RPL14: variants seen among roughly 807,000 people sequenced by gnomAD.
RPL14 encodes ribosomal protein L14.
RPL14 carries 4 observed loss-of-function variants against 25.3 expected under a neutral mutation model. The ratio of observed to expected loss-of-function variants is 0.16; its 90% CI spans 0.08 to 0.36. RPL14 has a LOEUF of 0.36. Ranked by LOEUF, RPL14 falls within the 10% of genes least tolerant of loss-of-function variation. The probability of loss-of-function intolerance (pLI) is 1.00; values close to 1 mark genes in which losing one functional copy is unlikely to be tolerated. For synonymous variants in RPL14, 75 were observed against 89.8 expected (o/e 0.84, Z 0.93); for missense variants, 212 against 261.9 (o/e 0.81, Z 1.31).
intron 3 of RPL14, among the ~76,000 whole-genome samples, chr3:40,459,491 G>A (rs1183409153): frequency 6.6e-6 from 1 of 152,180 alleles, no homozygotes; most frequent in Non-Finnish European, 1.5e-5. Context: ...TTGCTATACA[G>A]TTAATTCAAC....
intron 4 of RPL14, 41 bp from the exon 5 acceptor site, chr3:40,461,567 G>C (rs1260414400): frequency 1.9e-6 from 3 of 1,600,744 alleles, no homozygotes; most frequent in Non-Finnish European, 8.5e-7. Context: ...TCAAGATAGT[G>C]TGAGAGGGAT....
Position 40,457,475 on chromosome 3 carries a change from G to T in RPL14, c.3+1G>T. 1 of 1,560,382 alleles carries T rather than the reference G, an allele frequency of 6.4e-7. No homozygotes were observed. Among genetic ancestry groups the T allele is most frequent in the Non-Finnish European group, 8.7e-7 (1 of 1,151,554 alleles). On this transcript the variant is annotated splice_donor_variant, in intron 1 of 5. Coordinates refer to ENST00000396203, the MANE Select transcript of RPL14 (RefSeq NM_001034996.3). LOFTEE classifies it high-confidence loss of function. The stretch of plus-strand genomic sequence containing the variant: ...CCCAGAGGGTCCCGGGAAGCGCATG[G>T]TGAGGGTCCCCGGGCCGGCTGTGCA...
In RPL14 at chr3:40,464,210, T is replaced by G; in HGVS notation, c.*1978T>G. The G allele has an allele frequency of 3.0e-6, 1 of 338,410 alleles. No homozygotes were observed. Among genetic ancestry groups the G allele is most frequent in the South Asian group, 2.4e-5 (1 of 42,352 alleles). 21.0% of individuals were successfully genotyped at this position (338,410 alleles called of 1,614,324 possible). On this transcript the variant is annotated 3_prime_UTR_variant, in exon 6 of 6. Transcript: ENST00000396203. ...CCTGACCTCAGGTGATCTGTCCGCC[T>G]TGGCCTCCCAAAGTGCTGGGATTAC... is the stretch of plus-strand genomic sequence containing the variant.
chr3:40,458,819 G>A, intron 3 of RPL14, 83 bp downstream of exon 3: 1 of 1,014,624 alleles, frequency 9.9e-7, no homozygotes, highest in African/African-American at 1.6e-5. Flanking sequence ...AAACAATACG[G>A]AAGATTCAGA....
intron 2 of RPL14, 197 bp downstream of exon 2, chr3:40,458,188 C>A: frequency 1.7e-6 from 1 of 595,656 alleles, no homozygotes; most frequent in Non-Finnish European, 3.0e-6. Flanking sequence ...CAGTATTAGC[C>A]ACTTAAGCTA....
rs1464853026 is a variant in RPL14 at position 40,462,185 on chromosome 3, C to T, written c.601C>T (p.Pro201Ser). The T allele has an allele frequency of 1.2e-6, 2 of 1,610,702 alleles. No individual in the cohort carries two copies. The highest frequency in any genetic ancestry group is 1.7e-6 in the Non-Finnish European group (2 of 1,179,000). ...APKAQKGQKA[P>S]AQKAPAPKAS... Reference sequence around the variant, plus strand: ...AAAAGCTCAGAAGGGTCAAAAAGCTCCAGCCCAGAAAGCACCTGCTCCAAA... The same window carrying T: ...AAAAGCTCAGAAGGGTCAAAAAGCTTCAGCCCAGAAAGCACCTGCTCCAAA... The change falls in exon 6 of 6, where the codon CCA (proline) becomes TCA (serine). Residue 201 changes from proline (P) to serine (S), a missense_variant. By Grantham distance (74) the Pro-to-Ser change is moderately conservative (BLOSUM62 -1). Transcript: ENST00000396203.
At chr3:40,461,314 A>T (rs190521630) in intron 3 of RPL14, 93 bp from the exon 4 acceptor site, 32 of 1,002,716 alleles carry the variant, frequency 3.2e-5, no homozygotes, top group Middle Eastern at 2.9e-4. Flanking sequence ...GTTGTGTAAC[A>T]GGAAGAGTGC....
Position 40,462,141 on chromosome 3 carries a change from A to G in RPL14, c.557A>G (p.Gln186Arg), listed in dbSNP as rs981006011. ...GTTCCTGCCCAGAAAGCCACAGGCCAGAAAGCAGCGCCTGCTCCAAAAGCT... is the reference window on the plus strand; with the variant it reads ...GTTCCTGCCCAGAAAGCCACAGGCCGGAAAGCAGCGCCTGCTCCAAAAGCT... ...QKVPAQKATGQKAAPAPKAQK... is the reference protein window; with the variant it reads ...QKVPAQKATGRKAAPAPKAQK... The change falls in exon 6 of 6, where the codon CAG becomes CGG. Residue 186 changes from glutamine to arginine, a missense_variant. By Grantham distance (43) the Gln-to-Arg change is conservative. This residue lies in a region of RPL14 where 66 missense variants were observed against 62.6 expected (regional missense o/e 1.05). Coordinates refer to ENST00000396203, the MANE Select transcript of RPL14 (RefSeq NM_001034996.3). 7 of 1,612,556 alleles carry G rather than the reference A, an allele frequency of 4.3e-6. No homozygotes were observed. The East Asian group carries it at 8.9e-5, about 21-fold the overall frequency.
Position 40,462,421 on chromosome 3 carries a change from G to A in RPL14, c.*189G>A. On this transcript the variant is annotated 3_prime_UTR_variant, in exon 6 of 6. Transcript: ENST00000396203. ...AGATGGAGTCTCGTTCTGTTGCTCA[G>A]GCCGGACTGCAGTGGCGCTATCTCG... 2 of 576,674 alleles carry A rather than the reference G, an allele frequency of 3.5e-6. No homozygotes were observed. Among genetic ancestry groups the A allele is most frequent in the Non-Finnish European group, 5.4e-6 (2 of 368,344 alleles). The allele number at this position is 576,674 out of a possible 1,614,324, so 35.7% of individuals were successfully genotyped here. A position where few individuals can be genotyped will look rare whatever the true frequency, so the allele number is the denominator to read the frequency against.
rs113156667 is a variant in RPL14 at position 40,457,678 on chromosome 3, A to C, written c.3+204A>C. 0.015 allele frequency: 9,722 copies of C among 653,812 alleles called. 645 individuals are homozygous for C. The African/African-American group carries it at 0.15, about 10-fold the overall frequency. The allele number at this position is 653,812 out of a possible 1,614,324, so 40.5% of individuals were successfully genotyped here. A position where few individuals can be genotyped will look rare whatever the true frequency, so the allele number is the denominator to read the frequency against. On this transcript the variant is annotated intron_variant, in intron 1 of 5. Transcript: ENST00000396203. ...TTGTCCTGCCGTGTGGGCCTTGCGG[A>C]CCTGGGAGCTGGCGGGCGTTGGGAA...
In RPL14 at chr3:40,462,027, G is replaced by A; in HGVS notation, c.443G>A (p.Gly148Asp). 4.9e-6 allele frequency: 2 copies of A among 404,270 alleles called. No individual in the cohort carries two copies. The highest frequency in any genetic ancestry group is 8.1e-6 in the Non-Finnish European group (2 of 247,272). The allele number at this position is 404,270 out of a possible 1,614,324, so 25.0% of individuals were successfully genotyped here. A position where few individuals can be genotyped will look rare whatever the true frequency, so the allele number is the denominator to read the frequency against. Residue 148 changes from glycine (G) to aspartate (D), a missense_variant, in exon 6 of 6, where the codon GGT (glycine) becomes GAT (aspartate). By Grantham distance (94) the Gly-to-Asp change is moderately conservative (BLOSUM62 -1). This residue lies in a region of RPL14 where 143 missense variants were observed against 180.3 expected (regional missense o/e 0.79). Transcript: ENST00000396203. Reference sequence around the variant, plus strand: ...CCCAAAAAAGCACCTGGTACTAAGGGTACTGCTGCTGCTGCTGCTGCTGCT... The same window carrying A: ...CCCAAAAAAGCACCTGGTACTAAGGATACTGCTGCTGCTGCTGCTGCTGCT... Reference protein sequence around the residue: ...ASPKKAPGTKGTAAAAAAAAA... With the variant: ...ASPKKAPGTKDTAAAAAAAAA...
intron 5 of RPL14, 23 bp downstream of exon 5, chr3:40,461,684 T>C: frequency 6.3e-7 from 1 of 1,581,222 alleles, no homozygotes; most frequent in Middle Eastern, 1.9e-4. Context: ...ATCTGTATTT[T>C]TGTGTAACTT....
At chr3:40,458,361 T>G in intron 2 of RPL14, 1 of 524,702 alleles carries the variant, frequency 1.9e-6, no homozygotes, top group East Asian at 3.3e-5. Flanking sequence ...TCAGCAGGGA[T>G]CAGAGTCCTA....
chr3:40,461,222 T>G (rs1180386735), intron 3 of RPL14, among the ~76,000 whole-genome samples, 185 bp from the exon 4 acceptor site: 1 of 151,346 alleles, frequency 6.6e-6, no homozygotes, highest in Non-Finnish European at 1.5e-5. Flanking sequence ...GGATTACAGT[T>G]TTGATTAAAA....
Position 40,461,946 on chromosome 3 carries a change from G to C in RPL14, c.362G>C (p.Arg121Thr), listed in dbSNP as rs763794487. The C allele has an allele frequency of 8.1e-6, 13 of 1,598,062 alleles. No homozygotes were observed. In the East Asian group the frequency reaches 2.9e-4, roughly 36 times the overall value. ...TACATTGATAATTTTCAGAGGAACA[G>C]AATAATCAAGAATGAAGTTAAGAAG... ...KVMKAKKMRN[R>T]IIKNEVKKLQ... The change falls in exon 6 of 6, where the codon AGA (arginine) becomes ACA (threonine). Residue 121 changes from arginine to threonine, a missense_variant. Physicochemically the swap from Arg to Thr is moderately conservative, Grantham distance 71. Around this residue, in one of 3 missense-constraint regions of RPL14, gnomAD observed 143 missense variants for 180.3 expected, o/e 0.79. Transcript: ENST00000396203.
At chr3:40,459,883 T>G (rs1161547586) in intron 3 of RPL14, among the ~76,000 whole-genome samples, 2 of 68,338 alleles carry the variant, frequency 2.9e-5, no homozygotes, top group African/African-American at 1.2e-4. Flanking sequence ...AAAAAAAACT[T>G]ACTGTATGCT....
chr3:40,461,901 A>G (rs1417958300), intron 5 of RPL14, 38 bp from the exon 6 acceptor site: 3 of 1,566,356 alleles, frequency 1.9e-6, no homozygotes, highest in Non-Finnish European at 2.6e-6. Context: ...TATTGTATGT[A>G]TACACAATAA....
intron 3 of RPL14, chr3:40,459,146 TG>T (rs1696890113): frequency 5.7e-6 from 1 of 174,154 alleles, no homozygotes; most frequent in Admixed American, 5.9e-5. Flanking sequence ...ATCATGCCAC[TG>T]CACTCCAGCC....
intron 1 of RPL14, 54 bp from the exon 2 acceptor site, chr3:40,457,836 T>A: frequency 6.9e-7 from 1 of 1,459,544 alleles, no homozygotes; most frequent in Non-Finnish European, 9.6e-7. Flanking sequence ...GAAGGTGACA[T>A]ATGTAGCGAG....
Sources: gnomAD v4.1 joint callset for allele counts (sites outside exome capture counted in the v4.1 genomes callset) on GRCh38, gnomAD v4.1.1 for gene constraint, gnomAD v4.1.1 regional missense constraint, MANE v1.5 for transcripts, NCBI Gene and HGNC (gene_info 2026-07-23, HGNC 2026-07-21) for gene names.